The following SPATA12 variants were observed in gnomAD, a reference collection of about 807,000 sequenced individuals.
The protein encoded by SPATA12 is spermatogenesis-associated protein 12.
For synonymous variants in SPATA12, 85 were observed against 89.2 expected, an observed-to-expected ratio of 0.95 and a Z score of 0.26; for missense variants, 219 against 226.4, an observed-to-expected ratio of 0.97 and a Z score of 0.21.
chr3:57,074,673 T>G lies in SPATA12; in HGVS notation c.*406T>G. 1.0e-5 allele frequency: 2 copies of G among 196,758 alleles called. No homozygotes were observed. Among genetic ancestry groups the G allele is most frequent in the Non-Finnish European group, 2.3e-5 (2 of 85,678 alleles). 12.2% of individuals were successfully genotyped at this position (196,758 alleles called of 1,614,324 possible). A position where few individuals can be genotyped will look rare whatever the true frequency, so the allele number is the denominator to read the frequency against. ...TATCAAAGCCTGCTAAGTAATTACT[T>G]TCCCTCTGGGTAAGTGCCACTAGGT... On this transcript the variant is annotated 3_prime_UTR_variant, in exon 2 of 2. Coordinates refer to ENST00000334325, the MANE Select transcript of SPATA12 (RefSeq NM_181727.2).
intron 1 of SPATA12, among the ~76,000 whole-genome samples, chr3:57,071,111 A>AGAC (rs1705876233): frequency 1.3e-5 from 2 of 152,232 alleles, no homozygotes; most frequent in Admixed American, 1.3e-4. Flanking sequence ...GCATAAGGAT[A>AGAC]GACATATAGA....
At chr3:57,064,443 C>A (rs999025962) in intron 1 of SPATA12, among the ~76,000 whole-genome samples, 4 of 152,020 alleles carry the variant, frequency 2.6e-5, no homozygotes, top group Non-Finnish European at 5.9e-5. Context: ...CCCATCTCAG[C>A]CCCCAAGTAG....
intron 1 of SPATA12, among the ~76,000 whole-genome samples, chr3:57,066,050 AAACC>A (rs2107370420): frequency 1.1e-5 from 1 of 93,012 alleles, no homozygotes; most frequent in African/African-American, 3.9e-5. Context: ...CAAAAAAAAA[AAACC>A]CTAAAATGTA....
At chr3:57,072,804 T>C (rs891824819) in intron 1 of SPATA12, among the ~76,000 whole-genome samples, 6 of 151,588 alleles carry the variant, frequency 4.0e-5, no homozygotes, top group Admixed American at 3.9e-4. Flanking sequence ...CCCAGCACTT[T>C]GGGAGGCCAA....
intron 1 of SPATA12, among the ~76,000 whole-genome samples, chr3:57,062,204 C>T (rs1319534260): frequency 6.6e-6 from 1 of 152,100 alleles, no homozygotes; most frequent in Non-Finnish European, 1.5e-5. Context: ...GCAATGTGCC[C>T]AACCCTCCCC....
chr3:57,072,726 C>CAAA (rs11332171), intron 1 of SPATA12, among the ~76,000 whole-genome samples: 1 of 112,170 alleles, frequency 8.9e-6, no homozygotes, highest in Non-Finnish European at 1.8e-5. Context: ...GAGACTCTGT[C>CAAA]AAAAAAAAAA....
chr3:57,065,404 TA>T (rs1705472505), intron 1 of SPATA12, among the ~76,000 whole-genome samples: 1 of 151,630 alleles, frequency 6.6e-6, no homozygotes, highest in Non-Finnish European at 1.5e-5. Context: ...GAGGTTGCAG[TA>T]AGCTGAGATT....
At position 57,063,548 on chromosome 3, in the gene SPATA12, C is replaced by CA. The variant is rs1705356124; in HGVS notation, c.-330+2766dup. Among the ~76,000 whole-genome samples, 7 of 152,270 alleles carry CA rather than the reference C, an allele frequency of 4.6e-5. 1 individual carries two copies. The South Asian group carries it at 1.5e-3, about 32-fold the overall frequency. ...TTGACAAGTGAAGAGAAGAGAGATA[C>CA]AAAAGTCAAAGATGACGCCCCAGGC... On this transcript the variant is annotated intron_variant, in intron 1 of 1. Coordinates refer to ENST00000334325, the MANE Select transcript of SPATA12 (RefSeq NM_181727.2).
Position 57,073,707 on chromosome 3 carries a change from G to C in SPATA12, c.13G>C (p.Ala5Pro), listed in dbSNP as rs369549967. 7 of 1,613,682 alleles carry C rather than the reference G, an allele frequency of 4.3e-6. No individual in the cohort carries two copies. The highest frequency in any genetic ancestry group is 1.7e-5 in the Admixed American group (1 of 59,950). MSSSALTCGSTLEKS... is the reference protein window; with the variant it reads MSSSPLTCGSTLEKS... ...TGACTTGGGCCCCATGTCCAGTTCTGCTCTGACTTGTGGGTCCACCTTAGA... is the reference window on the plus strand; with the variant it reads ...TGACTTGGGCCCCATGTCCAGTTCTCCTCTGACTTGTGGGTCCACCTTAGA... Residue 5 changes from alanine to proline, a missense_variant, in exon 2 of 2, where the codon GCT becomes CCT. Transcript: ENST00000334325.
chr3:57,072,090 G>A (rs1464645091), intron 1 of SPATA12, among the ~76,000 whole-genome samples: 1 of 151,942 alleles, frequency 6.6e-6, no homozygotes, highest in African/African-American at 2.4e-5. Flanking sequence ...TACCCACTTA[G>A]GATGGCAATA....
chr3:57,063,708 C>T (rs1385996333), intron 1 of SPATA12, among the ~76,000 whole-genome samples: 2 of 152,120 alleles, frequency 1.3e-5, no homozygotes, highest in Non-Finnish European at 2.9e-5. Context: ...CCATCACACG[C>T]TGCTGGTAGT....
At position 57,074,300 on chromosome 3, in the gene SPATA12, G is replaced by C. The variant is rs772048090; in HGVS notation, c.*33G>C. On this transcript the variant is annotated 3_prime_UTR_variant, in exon 2 of 2. Coordinates refer to ENST00000334325, the MANE Select transcript of SPATA12 (RefSeq NM_181727.2). ...TAATCCTGCAACATCTGAGAGTCTGGCAGCTGTTTGTCTGGGCCTTTGCAC... is the reference window on the plus strand; with the variant it reads ...TAATCCTGCAACATCTGAGAGTCTGCCAGCTGTTTGTCTGGGCCTTTGCAC... 3.8e-6 allele frequency: 6 copies of C among 1,576,086 alleles called. No individual in the cohort carries two copies. The highest frequency in any genetic ancestry group is 5.2e-6 in the Non-Finnish European group (6 of 1,154,048).
chr3:57,074,278 T>C lies in SPATA12; in HGVS notation c.*11T>C. ...CACACACATCTGTAATCAATAATAA[T>C]CCTGCAACATCTGAGAGTCTGGCAG... On this transcript the variant is annotated 3_prime_UTR_variant, in exon 2 of 2. Coordinates refer to ENST00000334325, the MANE Select transcript of SPATA12 (RefSeq NM_181727.2). 2 of 1,598,712 alleles carry C rather than the reference T, an allele frequency of 1.3e-6. No individual in the cohort carries two copies. Among genetic ancestry groups the C allele is most frequent in the Non-Finnish European group, 1.7e-6 (2 of 1,169,472 alleles).
Position 57,072,726 on chromosome 3 carries a change from C to CAA in SPATA12, c.-329-624_-329-623dup, listed in dbSNP as rs11332171. Among the ~76,000 whole-genome samples the CAA allele has an allele frequency of 2.2e-3, 251 of 112,144 alleles. 2 individuals carry two copies. Among genetic ancestry groups the CAA allele is most frequent in the East Asian group, 4.3e-3 (16 of 3,702 alleles). The allele number at this position is 112,144 out of a possible 152,430, so 73.6% of individuals were successfully genotyped here. A position where few individuals can be genotyped will look rare whatever the true frequency, so the allele number is the denominator to read the frequency against. Reference sequence around the variant, plus strand: ...CCTGGGCAACAGAACGAGACTCTGTCAAAAAAAAAAAAAAAAAGAATAAAA... The same window carrying CAA: ...CCTGGGCAACAGAACGAGACTCTGTCAAAAAAAAAAAAAAAAAAAGAATAAAA... On this transcript the variant is annotated intron_variant, in intron 1 of 1. Transcript: ENST00000334325.
rs561361618 is a variant in SPATA12 at position 57,074,295 on chromosome 3, G to C, written c.*28G>C. The C allele has an allele frequency of 3.8e-6, 6 of 1,585,218 alleles. 1 individual carries two copies. In the African/African-American group the frequency reaches 8.0e-5, roughly 21 times the overall value. ...AATAATAATCCTGCAACATCTGAGA[G>C]TCTGGCAGCTGTTTGTCTGGGCCTT... On this transcript the variant is annotated 3_prime_UTR_variant, in exon 2 of 2. Coordinates refer to ENST00000334325, the MANE Select transcript of SPATA12 (RefSeq NM_181727.2).
In SPATA12 at chr3:57,069,543, A is replaced by G. The variant is rs149085577; in HGVS notation, c.-329-3823A>G. Among the ~76,000 whole-genome samples the G allele has an allele frequency of 6.0e-4, 91 of 152,060 alleles. 1 individual carries two copies. The highest frequency in any genetic ancestry group is 2.2e-3 in the African/African-American group (90 of 41,458). ...GGTTCCAAGTGATACAAATATAGGC[A>G]CTCCATTTTTTATTATTTCTTTCTT... On this transcript the variant is annotated intron_variant, in intron 1 of 1. Transcript: ENST00000334325.
chr3:57,063,949 G>T (rs1332453958), intron 1 of SPATA12, among the ~76,000 whole-genome samples: 1 of 152,188 alleles, frequency 6.6e-6, no homozygotes, highest in Admixed American at 6.5e-5. Context: ...GCATAGAATT[G>T]AATAATATTC....
intron 1 of SPATA12, among the ~76,000 whole-genome samples, chr3:57,061,743 G>C (rs1028757717): frequency 6.6e-6 from 1 of 152,166 alleles, no homozygotes; most frequent in African/African-American, 2.4e-5. Flanking sequence ...CTAACTCTCA[G>C]TGAGCAGTCT....
At chr3:57,072,785 T>G (rs1021929124) in intron 1 of SPATA12, among the ~76,000 whole-genome samples, 1 of 149,260 alleles carries the variant, frequency 6.7e-6, no homozygotes, top group Admixed American at 6.7e-5. Flanking sequence ...GGTGGCTCAC[T>G]CCTGTAATCC....
Sources: gnomAD v4.1 joint callset for allele counts (sites outside exome capture counted in the v4.1 genomes callset) on GRCh38, gnomAD v4.1.1 for gene constraint, MANE v1.5 for transcripts, NCBI Gene and HGNC (gene_info 2026-07-23, HGNC 2026-07-21) for gene names.